The following MEMO1 variants were observed in gnomAD, a reference collection of about 807,000 sequenced individuals.
The protein encoded by MEMO1 is protein MEMO1.
In MEMO1, 6 loss-of-function variants were observed where a neutral mutation model predicts 45.2. The observed-to-expected ratio is 0.13, with a 90% CI of 0.07 to 0.26. The LOEUF (loss-of-function observed/expected upper bound fraction) is 0.26, where lower values mean the gene tolerates loss of function less well. Ranked by LOEUF, MEMO1 falls within the 10% of genes least tolerant of loss-of-function variation. MEMO1 has a pLI of 1.00. For missense variants in MEMO1, 184 were observed against 370.5 expected (o/e 0.50, Z 4.13); for synonymous variants, 78 against 124.3 (o/e 0.63, Z 2.48).
intron 2 of MEMO1, among the ~76,000 whole-genome samples, chr2:31,977,028 C>T (rs948823283): frequency 3.9e-5 from 6 of 151,966 alleles, no homozygotes; most frequent in African/African-American, 1.2e-4. Context: ...AGGATATATA[C>T]AGCACCTAAT....
At chr2:32,006,119 C>T (rs1674032499) in intron 2 of MEMO1, among the ~76,000 whole-genome samples, 1 of 152,078 alleles carries the variant, frequency 6.6e-6, no homozygotes, top group Non-Finnish European at 1.5e-5. Flanking sequence ...TAGGGGAAAG[C>T]GGTCATAGAG....
chr2:31,952,803 C>T (rs1006117457), intron 2 of MEMO1, among the ~76,000 whole-genome samples: 4 of 152,144 alleles, frequency 2.6e-5, no homozygotes, highest in Non-Finnish European at 2.9e-5. Flanking sequence ...ACTAAAAAAT[C>T]GCCAAAATTA....
intron 2 of MEMO1, among the ~76,000 whole-genome samples, chr2:31,944,138 CT>C (rs1303202519): frequency 6.6e-6 from 1 of 152,172 alleles, no homozygotes; most frequent in African/African-American, 2.4e-5. Context: ...TAACTCAGTA[CT>C]TTTACCTGAA....
chr2:31,985,484 C>G (rs1671153350), intron 2 of MEMO1, among the ~76,000 whole-genome samples: 1 of 152,162 alleles, frequency 6.6e-6, no homozygotes, highest in South Asian at 2.1e-4. Context: ...CGCCACCATG[C>G]CCAGCTAATT....
At chr2:31,943,199 A>G in intron 3 of MEMO1, 103 bp downstream of exon 3, 1 of 818,830 alleles carries the variant, frequency 1.2e-6, no homozygotes. Flanking sequence ...TGGGAGGCGG[A>G]GGTTGCAGTG....
chr2:31,997,281 T>C (rs1672725076), intron 2 of MEMO1, among the ~76,000 whole-genome samples: 1 of 152,146 alleles, frequency 6.6e-6, no homozygotes, highest in Admixed American at 6.5e-5. Flanking sequence ...TAATAAGAAA[T>C]CGTCAAGCAA....
At chr2:31,986,209 A>C (rs1439182008) in intron 2 of MEMO1, among the ~76,000 whole-genome samples, 1 of 152,164 alleles carries the variant, frequency 6.6e-6, no homozygotes, top group Non-Finnish European at 1.5e-5. Flanking sequence ...CCTGGCTAAC[A>C]CGGTGAAACC....
At position 31,974,642 on chromosome 2, in the gene MEMO1, G is replaced by A. The variant is rs555397930; in HGVS notation, c.62-31259C>T. ...CACCTGTAGTCCCAGCTACTTGGGAGGCTGAGGCAGGAGAACCACTTGAAC... is the reference window on the plus strand; with the variant it reads ...CACCTGTAGTCCCAGCTACTTGGGAAGCTGAGGCAGGAGAACCACTTGAAC... On this transcript the variant is annotated intron_variant, in intron 2 of 9. Transcript: ENST00000404530. 5.9e-5 allele frequency among the ~76,000 whole-genome samples: 9 copies of A among 152,232 alleles called. No individual in the cohort carries two copies. The South Asian group carries it at 1.7e-3, about 28-fold the overall frequency.
intron 6 of MEMO1, among the ~76,000 whole-genome samples, chr2:31,913,248 C>CAAAAAAAAAAA (rs3065389): frequency 2.3e-5 from 1 of 44,424 alleles, no homozygotes; most frequent in African/African-American, 8.1e-5. Context: ...GACTCCGTCT[C>CAAAAAAAAAAA]AAAAAAAAAA....
At chr2:31,938,863 T>C (rs1182771559) in intron 3 of MEMO1, among the ~76,000 whole-genome samples, 3 of 150,484 alleles carry the variant, frequency 2.0e-5, no homozygotes, top group African/African-American at 4.9e-5. Flanking sequence ...CTCAGCTCAG[T>C]GCAGCCCCAA....
At chr2:31,970,301 C>T (rs1040108557) in intron 2 of MEMO1, among the ~76,000 whole-genome samples, 1 of 152,084 alleles carries the variant, frequency 6.6e-6, no homozygotes, top group Non-Finnish European at 1.5e-5. Flanking sequence ...GCCCTCTCTC[C>T]AGAGGGACAA....
intron 2 of MEMO1, among the ~76,000 whole-genome samples, chr2:31,979,689 G>GT (rs1558550490): frequency 6.6e-6 from 1 of 152,096 alleles, no homozygotes. Flanking sequence ...TTAAAAAACT[G>GT]TGAGTCTGAA....
At chr2:31,957,266 TTATC>T (rs1017889293) in intron 2 of MEMO1, among the ~76,000 whole-genome samples, 39 of 152,238 alleles carry the variant, frequency 2.6e-4, no homozygotes, top group African/African-American at 8.9e-4. Flanking sequence ...CGTACATGTA[TTATC>T]TATCAAAAAA....
chr2:31,953,259 C>T (rs1667031515), intron 2 of MEMO1, among the ~76,000 whole-genome samples: 1 of 149,338 alleles, frequency 6.7e-6, no homozygotes, highest in South Asian at 2.1e-4. Context: ...CCCAGCTACT[C>T]AGGAGGCTGA....
At chr2:31,984,526 T>C in intron 2 of MEMO1, among the ~76,000 whole-genome samples, 1 of 152,188 alleles carries the variant, frequency 6.6e-6, no homozygotes, top group East Asian at 1.9e-4. Context: ...AGGACATTAG[T>C]GGGCTGTGCG....
At chr2:31,963,238 GC>G in intron 2 of MEMO1, 1 of 1,545,638 alleles carries the variant, frequency 6.5e-7, no homozygotes, top group Non-Finnish European at 8.7e-7. Context: ...CTCCATAATG[GC>G]ATGAGTCAAT....
chr2:31,915,281 T>A (rs1681264942), intron 6 of MEMO1, among the ~76,000 whole-genome samples: 2 of 152,174 alleles, frequency 1.3e-5, no homozygotes, highest in Non-Finnish European at 2.9e-5. Flanking sequence ...TGGGTGTATA[T>A]GACATGTTAA....
intron 2 of MEMO1, among the ~76,000 whole-genome samples, chr2:31,954,951 A>C (rs751121064): frequency 3.3e-5 from 5 of 152,222 alleles, no homozygotes; most frequent in Non-Finnish European, 5.9e-5. Context: ...TTGCACGTTA[A>C]AATGTGAGAC....
chr2:31,979,147 G>A (rs1226534800), intron 2 of MEMO1, among the ~76,000 whole-genome samples: 1 of 152,148 alleles, frequency 6.6e-6, no homozygotes, highest in Non-Finnish European at 1.5e-5. Context: ...GAAAAGCCCA[G>A]AAGAGACTGC....
Sources: gnomAD v4.1 joint callset for allele counts (sites outside exome capture counted in the v4.1 genomes callset) on GRCh38, gnomAD v4.1.1 for gene constraint, MANE v1.5 for transcripts, NCBI Gene and HGNC (gene_info 2026-07-23, HGNC 2026-07-21) for gene names.